SYTL3: variants seen among roughly 807,000 people sequenced by gnomAD.
SYTL3 encodes the protein synaptotagmin like 3.
A neutral mutation model predicts 82.1 loss-of-function variants in SYTL3; 88 were observed. That is an observed-to-expected ratio of 1.07 (90% CI 0.90 to 1.28). SYTL3 has a LOEUF of 1.28. Among genes scored for constraint, SYTL3 ranks in the 50% most tolerant of loss-of-function variants. The pLI is 0.00. For synonymous variants in SYTL3, 311 were observed against 289.4 expected, an observed-to-expected ratio of 1.07 and a Z score of -0.76; for missense variants, 831 against 757.6, an observed-to-expected ratio of 1.10 and a Z score of -1.14.
intron 5 of SYTL3, among the ~76,000 whole-genome samples, chr6:158,669,064 G>A (rs1453291223): frequency 1.3e-5 from 2 of 152,148 alleles, no homozygotes; most frequent in African/African-American, 2.4e-5. Context: ...TTCCACTGAT[G>A]TTTCTTCCCG....
rs1370322159 is a variant in SYTL3, at chr6:158,760,706, C to G, written c.1375C>G (p.Leu459Val). ...GELTVRAKLV[L>V]PSRPRKLQEA... The stretch of plus-strand genomic sequence containing the variant: ...GCTCACAGTCCGGGCTAAGCTGGTT[C>G]TCCCTTCACGGCCCAGAAAACTCCA... The change falls in exon 15 of 18, where the codon CTC (leucine) becomes GTC (valine). Residue 459 changes from leucine (L) to valine (V), a missense_variant. Leu to Val is a conservative substitution (Grantham distance 32, BLOSUM62 1). Coordinates refer to ENST00000611299, the MANE Select transcript of SYTL3 (RefSeq NM_001242394.2). 6.2e-7 allele frequency: 1 copy of G among 1,614,180 alleles called. No homozygotes were observed. Among genetic ancestry groups the G allele is most frequent in the Non-Finnish European group, 8.5e-7 (1 of 1,180,004 alleles).
At chr6:158,737,528 C>T (rs1022652539) in intron 11 of SYTL3, among the ~76,000 whole-genome samples, 2 of 152,224 alleles carry the variant, frequency 1.3e-5, no homozygotes, top group African/African-American at 4.8e-5. Flanking sequence ...TCCCTGCCTG[C>T]CTTGAGTTTT....
intron 9 of SYTL3, among the ~76,000 whole-genome samples, chr6:158,714,651 C>G (rs1054240369): frequency 2.6e-5 from 4 of 152,182 alleles, no homozygotes; most frequent in Admixed American, 1.3e-4. Context: ...CTTTTCATGC[C>G]TCCTAAGATG....
In SYTL3 at chr6:158,757,387, G is replaced by C. The variant is rs201606452; in HGVS notation, c.1308+6G>C. The C allele has an allele frequency of 1.2e-6, 2 of 1,613,682 alleles. No individual in the cohort carries two copies. Among genetic ancestry groups the C allele is most frequent in the Admixed American group, 3.3e-5 (2 of 59,974 alleles). On this transcript the variant is annotated splice_donor_region_variant and intron_variant, in intron 14 of 17. Transcript: ENST00000611299. ...GGCATCCGCTCCGGGCCAAGGTGAT[G>C]TCTGGTTTTGGACTGAGTGCCCTCC...
chr6:158,732,428 C>G (rs1160256451), intron 11 of SYTL3, among the ~76,000 whole-genome samples: 1 of 152,266 alleles, frequency 6.6e-6, no homozygotes, highest in Non-Finnish European at 1.5e-5. Flanking sequence ...ATAAAAGCGA[C>G]TGTTACGCGT....
At chr6:158,686,700 T>C (rs1453479093) in intron 6 of SYTL3, among the ~76,000 whole-genome samples, 2 of 152,210 alleles carry the variant, frequency 1.3e-5, no homozygotes, top group African/African-American at 2.4e-5. Flanking sequence ...AGAAACTGTC[T>C]GGTTATTTGA....
chr6:158,703,076 C>T (rs555698993), intron 6 of SYTL3, among the ~76,000 whole-genome samples: 2 of 149,598 alleles, frequency 1.3e-5, no homozygotes, highest in Admixed American at 6.8e-5. Flanking sequence ...ATCACTCGAA[C>T]CTGGGAGGCG....
intron 6 of SYTL3, among the ~76,000 whole-genome samples, chr6:158,691,636 CAATATT>C (rs1411427180): frequency 2.6e-5 from 4 of 151,772 alleles, no homozygotes; most frequent in South Asian, 2.1e-4. Flanking sequence ...AGAAAGATGA[CAATATT>C]AATATTAAAC....
intron 13 of SYTL3, among the ~76,000 whole-genome samples, chr6:158,753,509 T>C (rs1277826123): frequency 1.3e-5 from 2 of 151,550 alleles, no homozygotes; most frequent in African/African-American, 4.8e-5. Flanking sequence ...GGCGGGTGGA[T>C]CATGAGGTCA....
chr6:158,705,371 C>T (rs146885796), intron 6 of SYTL3, among the ~76,000 whole-genome samples: 1 of 87,898 alleles, frequency 1.1e-5, no homozygotes, highest in African/African-American at 3.7e-5. Flanking sequence ...AGGAGGGACC[C>T]GGGGCAGGGT....
At chr6:158,703,734 A>G (rs1441745713) in intron 6 of SYTL3, among the ~76,000 whole-genome samples, 2 of 151,910 alleles carry the variant, frequency 1.3e-5, no homozygotes, top group African/African-American at 2.4e-5. Context: ...CAACTGGGGC[A>G]GTGAGGCAGG....
In SYTL3 at chr6:158,758,976, C is replaced by T. The variant is rs891903271; in HGVS notation, c.1308+1595C>T. Among the ~76,000 whole-genome samples, 3 of 152,324 alleles carry T rather than the reference C, an allele frequency of 2.0e-5. No homozygotes were observed. The South Asian group carries it at 6.2e-4, about 32-fold the overall frequency. Reference sequence around the variant, plus strand: ...TGCCTTCCGTGCCTTCCTCTCACCCCCGCTCTGTCATCTCTCAGAACAGCA... The same window carrying T: ...TGCCTTCCGTGCCTTCCTCTCACCCTCGCTCTGTCATCTCTCAGAACAGCA... On this transcript the variant is annotated intron_variant, in intron 14 of 17. Transcript: ENST00000611299.
chr6:158,693,855 C>CTTTTCTTTTTTTTTCTTTT (rs71030191), intron 6 of SYTL3, among the ~76,000 whole-genome samples: 1 of 96,866 alleles, frequency 1.0e-5, no homozygotes, highest in African/African-American at 5.4e-5. Flanking sequence ...TTTTTCTTTT[C>CTTTTCTTTTTTTTTCTTTT]TTTTTTTTTT....
At chr6:158,717,360 A>G (rs1257768392) in intron 9 of SYTL3, among the ~76,000 whole-genome samples, 3 of 151,662 alleles carry the variant, frequency 2.0e-5, no homozygotes, top group African/African-American at 7.3e-5. Context: ...TTAAAATTGT[A>G]TGTGTGACTT....
At chr6:158,761,743 G>A (rs1790001788) in intron 15 of SYTL3, among the ~76,000 whole-genome samples, 1 of 152,230 alleles carries the variant, frequency 6.6e-6, no homozygotes, top group Non-Finnish European at 1.5e-5. Context: ...CCTAGACAGG[G>A]TCTCGGGGCT....
At position 158,671,141 on chromosome 6, in the gene SYTL3, G is replaced by T. The variant is rs371777988; in HGVS notation, c.329+5528G>T. On this transcript the variant is annotated intron_variant, in intron 5 of 17. Coordinates refer to ENST00000611299, the MANE Select transcript of SYTL3 (RefSeq NM_001242394.2). ...TTTAGAAAAAAAAAGTTTCTTTTGT[G>T]TTTACTAAAGGGAATGTTTTGACAA... Among the ~76,000 whole-genome samples the T allele has an allele frequency of 5.0e-4, 76 of 152,110 alleles. 1 individual carries two copies. Among genetic ancestry groups the T allele is most frequent in the African/African-American group, 1.8e-3 (74 of 41,496 alleles).
intron 6 of SYTL3, among the ~76,000 whole-genome samples, chr6:158,691,390 T>A (rs772587850): frequency 2.0e-5 from 3 of 151,840 alleles, no homozygotes; most frequent in Non-Finnish European, 4.4e-5. Context: ...CCCAAGTAAC[T>A]TTTTTAATGT....
At chr6:158,647,339 A>C (rs907193779), upstream of SYTL3, among the ~76,000 whole-genome samples, 2 of 152,276 alleles carry the variant, frequency 1.3e-5, no homozygotes, top group African/African-American at 4.8e-5. Flanking sequence ...TGAGGCTGCC[A>C]GTAAACGGAT....
intron 8 of SYTL3, among the ~76,000 whole-genome samples, chr6:158,712,706 A>G (rs1037443863): frequency 2.0e-5 from 3 of 151,730 alleles, no homozygotes; most frequent in Admixed American, 2.0e-4. Flanking sequence ...CCAAAAATAT[A>G]TAATGCTGAT....
Sources: allele counts gnomAD v4.1 joint callset (sites outside exome capture counted in the v4.1 genomes callset), GRCh38; gene constraint gnomAD v4.1.1; transcripts MANE v1.5; gene names NCBI Gene and HGNC (gene_info 2026-07-23, HGNC 2026-07-21).